The following MEGF10 variants were observed in gnomAD, a reference collection of about 807,000 sequenced individuals.
The protein encoded by MEGF10 is multiple EGF like domains 10, also known as multiple epidermal growth factor-like domains protein 10.
Under a neutral mutation model 147.5 loss-of-function variants are expected in MEGF10, and 86 were observed. The observed-to-expected ratio is 0.58, with a 90% CI of 0.49 to 0.70. MEGF10 has a LOEUF of 0.70. Ranked by LOEUF, MEGF10 falls within the 30% of genes least tolerant of loss-of-function variation. The probability of loss-of-function intolerance (pLI) is 0.00; values close to 1 mark genes in which losing one functional copy is unlikely to be tolerated. For synonymous variants in MEGF10, 478 were observed against 525.5 expected, an observed-to-expected ratio of 0.91 and a Z score of 1.24; for missense variants, 1,329 against 1,487.3, an observed-to-expected ratio of 0.89 and a Z score of 1.75.
rs1284763144 is a variant in MEGF10 at position 127,435,424 on chromosome 5, C to T, written c.2039C>T (p.Thr680Ile). The stretch of plus-strand genomic sequence containing the variant: ...ATTTGTACCTGCACCAACAACGGAA[C>T]CTGTAACCCCATTGACAGATCTTGT... ...AGICTCTNNG[T>I]CNPIDRSCQC... The change falls in exon 16 of 25, where the codon ACC (threonine) becomes ATC (isoleucine). Residue 680 changes from threonine to isoleucine, a missense_variant. By Grantham distance (89) the Thr-to-Ile change is moderately conservative. Coordinates refer to ENST00000503335, the MANE Select transcript of MEGF10 (RefSeq NM_001256545.2). 15 of 1,614,128 alleles carry T rather than the reference C, an allele frequency of 9.3e-6. No individual in the cohort carries two copies. Among genetic ancestry groups the T allele is most frequent in the Non-Finnish European group, 1.2e-5 (14 of 1,180,000 alleles).
At chr5:127,286,421 A>G (rs1472956039), upstream of MEGF10, among the ~76,000 whole-genome samples, 1 of 152,104 alleles carries the variant, frequency 6.6e-6, no homozygotes, top group African/African-American at 2.4e-5. Context: ...TGAATTCTGC[A>G]AATATGTAAA....
At chr5:127,379,032 T>C (rs959163361) in intron 5 of MEGF10, among the ~76,000 whole-genome samples, 4 of 151,852 alleles carry the variant, frequency 2.6e-5, no homozygotes, top group Non-Finnish European at 5.9e-5. Flanking sequence ...GTCATGTTGT[T>C]TAACTCCACT....
intron 9 of MEGF10, 106 bp downstream of exon 9, chr5:127,410,707 C>A: frequency 1.9e-6 from 2 of 1,027,322 alleles, no homozygotes; most frequent in South Asian, 2.9e-5. Flanking sequence ...CCCAAGCCCC[C>A]TCCTGCCTCT....
In MEGF10 at chr5:127,443,056, C is replaced by G; in HGVS notation, c.2421C>G (p.Asn807Lys). The change falls in exon 19 of 25, where the codon AAC (asparagine) becomes AAG (lysine). Residue 807 changes from asparagine (N) to lysine (K), a missense_variant. Asn to Lys is a moderately conservative substitution (Grantham distance 94, BLOSUM62 0). Around this residue, in one of 3 missense-constraint regions of MEGF10, gnomAD observed 980 missense variants for 1,085.9 expected, o/e 0.90. Coordinates refer to ENST00000503335, the MANE Select transcript of MEGF10 (RefSeq NM_001256545.2). ...GCRQICDCLN[N>K]STCDHITGTC... Reference sequence around the variant, plus strand: ...GCCAGATATGTGATTGTCTGAACAACTCCACCTGCGACCACATCACTGGGA... The same window carrying G: ...GCCAGATATGTGATTGTCTGAACAAGTCCACCTGCGACCACATCACTGGGA... 6.2e-7 allele frequency: 1 copy of G among 1,613,922 alleles called. No homozygotes were observed. Among genetic ancestry groups the G allele is most frequent in the East Asian group, 2.2e-5 (1 of 44,888 alleles).
intron 12 of MEGF10, among the ~76,000 whole-genome samples, chr5:127,421,865 T>G (rs1479921965): frequency 6.7e-6 from 1 of 149,624 alleles, no homozygotes; most frequent in South Asian, 2.1e-4. Context: ...AATTATAAAT[T>G]TTTTTATATT....
At chr5:127,317,951 G>A (rs1206000617) in intron 1 of MEGF10, among the ~76,000 whole-genome samples, 2 of 152,120 alleles carry the variant, frequency 1.3e-5, no homozygotes, top group African/African-American at 4.8e-5. Flanking sequence ...TGTTTTTAAA[G>A]CATTGGTGAC....
rs762389868 is a variant in MEGF10 at position 127,340,541 on chromosome 5, G to A, written c.230G>A (p.Arg77Gln). ...TTCCTTCTCTATAGAGTCAGCTATC[G>A]GACAGCCTATCGACATGGGGAGAAG... is the stretch of plus-strand genomic sequence containing the variant. Reference protein sequence around the residue: ...FKCTRHRVSYRTAYRHGEKTM... With the variant: ...FKCTRHRVSYQTAYRHGEKTM... The change falls in exon 4 of 25, where the codon CGG (arginine) becomes CAG (glutamine). Residue 77 changes from arginine (R) to glutamine (Q), a missense_variant. By Grantham distance (43) the Arg-to-Gln change is conservative (BLOSUM62 1). This residue lies in a region of MEGF10 where 980 missense variants were observed against 1,085.9 expected (regional missense o/e 0.90). Coordinates refer to ENST00000503335, the MANE Select transcript of MEGF10 (RefSeq NM_001256545.2). The A allele has an allele frequency of 5.6e-6, 9 of 1,612,012 alleles. No individual in the cohort carries two copies. Among genetic ancestry groups the A allele is most frequent in the East Asian group, 2.2e-5 (1 of 44,822 alleles).
chr5:127,309,951 T>TTCCTTCTTTCTC (rs1760194150), intron 1 of MEGF10, among the ~76,000 whole-genome samples: 1 of 43,470 alleles, frequency 2.3e-5, no homozygotes, highest in Non-Finnish European at 5.2e-5. Context: ...TGCCAACTCT[T>TTCCTTCTTTCTC]TCTTTCTTTC....
At chr5:127,236,956 T>C in the MEGF10 span, among the ~76,000 whole-genome samples, 1 of 152,156 alleles carries the variant, frequency 6.6e-6, no homozygotes, top group Admixed American at 6.5e-5. Context: ...GCCCCCAGAT[T>C]TAGGGAGTGA....
chr5:127,342,393 G>C (rs140691627), intron 4 of MEGF10, among the ~76,000 whole-genome samples: 1 of 152,196 alleles, frequency 6.6e-6, no homozygotes, highest in East Asian at 1.9e-4. Flanking sequence ...TTAACCCAGG[G>C]GTCATAGAAT....
intron 6 of MEGF10, among the ~76,000 whole-genome samples, chr5:127,397,236 G>T (rs948741136): frequency 6.6e-6 from 1 of 152,106 alleles, no homozygotes; most frequent in Non-Finnish European, 1.5e-5. Flanking sequence ...AAGGAGGAAG[G>T]TGTTAAAAAT....
At position 127,435,461 on chromosome 5, in the gene MEGF10, C is replaced by T. The variant is rs115309591; in HGVS notation, c.2076C>T (p.Pro692=). ...NPIDRSCQCY[P]GWIGSDCSQP... ...TTGACAGATCTTGTCAGTGTTACCC[C>T]GGTTGGATTGGCAGTGACTGCTCTC... Residue 692 remains proline (P), a synonymous_variant, in exon 16 of 25, where the codon CCC becomes CCT. Coordinates refer to ENST00000503335, the MANE Select transcript of MEGF10 (RefSeq NM_001256545.2). The T allele has an allele frequency of 3.1e-3, 5,003 of 1,613,784 alleles. 145 individuals carry two copies. The African/African-American group carries it at 0.059, about 19-fold the overall frequency.
At chr5:127,376,699 T>C (rs947417067) in intron 5 of MEGF10, among the ~76,000 whole-genome samples, 2 of 152,196 alleles carry the variant, frequency 1.3e-5, no homozygotes, top group Non-Finnish European at 2.9e-5. Context: ...TGATATGCAA[T>C]CATCATTATA....
In MEGF10 at chr5:127,331,424, G is replaced by C. The variant is rs1561575721; in HGVS notation, c.116G>C (p.Ser39Thr). 1 of 1,588,302 alleles carries C rather than the reference G, an allele frequency of 6.3e-7. No individual in the cohort carries two copies. Among genetic ancestry groups the C allele is most frequent in the Admixed American group, 1.7e-5 (1 of 59,256 alleles). The change falls in exon 2 of 25, where the codon AGC (serine) becomes ACC (threonine). Residue 39 changes from serine (S) to threonine (T), a missense_variant and splice_region_variant. Coordinates refer to ENST00000503335, the MANE Select transcript of MEGF10 (RefSeq NM_001256545.2). ...CCTAATGTGTGTAGCCACTGGGAAA[G>C]GTAATGGTTTTGAAAGGAGCCTGAC... ...EDPNVCSHWESYSVTVQESYP... is the reference protein window; with the variant it reads ...EDPNVCSHWETYSVTVQESYP...
intron 5 of MEGF10, among the ~76,000 whole-genome samples, chr5:127,384,798 G>A (rs1475662823): frequency 6.6e-6 from 1 of 152,164 alleles, no homozygotes; most frequent in Non-Finnish European, 1.5e-5. Flanking sequence ...CAGAGTATCT[G>A]GAAAATACAT....
intron 8 of MEGF10, among the ~76,000 whole-genome samples, chr5:127,407,498 T>G (rs1355318311): frequency 6.6e-6 from 1 of 152,238 alleles, no homozygotes. Context: ...TATCTCTACT[T>G]AATGCTTATC....
chr5:127,318,831 T>C (rs953840579), intron 1 of MEGF10, among the ~76,000 whole-genome samples: 7 of 152,114 alleles, frequency 4.6e-5, no homozygotes, highest in African/African-American at 1.7e-4. Flanking sequence ...TTCCCAGAAC[T>C]TTTAAAAAAT....
Position 127,438,970 on chromosome 5 carries a change from C to T in MEGF10, c.2233+403C>T, listed in dbSNP as rs889650248. 7.2e-5 allele frequency among the ~76,000 whole-genome samples: 11 copies of T among 152,260 alleles called. No homozygotes were observed. The South Asian group carries it at 1.2e-3, about 17-fold the overall frequency. ...TGCGCTCTTGGAAAAGGTGGAGTTCCGTGTTTTTCGAATGGTAGCAAGCTT... is the reference window on the plus strand; with the variant it reads ...TGCGCTCTTGGAAAAGGTGGAGTTCTGTGTTTTTCGAATGGTAGCAAGCTT... On this transcript the variant is annotated intron_variant, in intron 17 of 24. Coordinates refer to ENST00000503335, the MANE Select transcript of MEGF10 (RefSeq NM_001256545.2).
At chr5:127,241,001 T>G in the MEGF10 span, among the ~76,000 whole-genome samples, 2 of 152,180 alleles carry the variant, frequency 1.3e-5, no homozygotes, top group African/African-American at 4.8e-5. Context: ...CAGATTTATC[T>G]CTCCTTGTTT....
Sources: gnomAD v4.1 joint callset for allele counts (sites outside exome capture counted in the v4.1 genomes callset) on GRCh38, gnomAD v4.1.1 for gene constraint, gnomAD v4.1.1 regional missense constraint, MANE v1.5 for transcripts, NCBI Gene and HGNC (gene_info 2026-07-23, HGNC 2026-07-21) for gene names.